The following KLHL5 variants were observed in gnomAD, a reference collection of about 807,000 sequenced individuals.
KLHL5 encodes the protein kelch-like protein 5.
A neutral mutation model predicts 77.7 loss-of-function variants in KLHL5; 48 were observed. That is an observed-to-expected ratio of 0.62 (90% confidence interval 0.49 to 0.79). The LOEUF is 0.79. Among genes scored for constraint, KLHL5 ranks in the 30% least tolerant of loss-of-function variants. KLHL5 has a pLI of 0.00. For missense variants in KLHL5, 723 were observed against 859.7 expected, an observed-to-expected ratio of 0.84 and a Z score of 1.99; for synonymous variants, 260 against 297.0, an observed-to-expected ratio of 0.88 and a Z score of 1.28.
chr4:39,062,867 G>A lies in KLHL5; in HGVS notation c.215G>A (p.Ser72Asn), dbSNP rs369611804. Residue 72 changes from serine (S) to asparagine (N), a missense_variant, in exon 1 of 11, where the codon AGC (serine) becomes AAC (asparagine). This residue lies in a region of KLHL5 where 221 missense variants were observed against 222.1 expected (regional missense o/e 1.00). Coordinates refer to ENST00000504108, the MANE Select transcript of KLHL5 (RefSeq NM_015990.5). ...GCTTCAATTGGTTACCGAAGGTCCA[G>A]CCAACTGGATTTTCAGAATTCACCT... ...PLASIGYRRS[S>N]QLDFQNSPSW... The A allele has an allele frequency of 4.3e-6, 7 of 1,614,022 alleles. No homozygotes were observed. Among genetic ancestry groups the A allele is most frequent in the Non-Finnish European group, 5.9e-6 (7 of 1,180,026 alleles).
chr4:39,106,086 C>T (rs1722015754), intron 7 of KLHL5, among the ~76,000 whole-genome samples: 1 of 152,104 alleles, frequency 6.6e-6, no homozygotes. Context: ...AGATCAGAGT[C>T]CTTATCTGCA....
chr4:39,121,123 T>C lies in KLHL5; in HGVS notation c.*57T>C. The C allele has an allele frequency of 7.8e-7, 1 of 1,289,416 alleles. No homozygotes were observed. The highest frequency in any genetic ancestry group is 1.1e-6 in the Non-Finnish European group (1 of 887,170). The allele number at this position is 1,289,416 out of a possible 1,614,324, so 79.9% of individuals were successfully genotyped here. ...GTCTTCCTTTATTAATTTAGTATAATTATTCTATCAATGGATACATTTTTA... is the reference window on the plus strand; with the variant it reads ...GTCTTCCTTTATTAATTTAGTATAACTATTCTATCAATGGATACATTTTTA... On this transcript the variant is annotated 3_prime_UTR_variant, in exon 11 of 11. Transcript: ENST00000504108.
At chr4:39,044,875 C>T (rs542139708), upstream of KLHL5, 69 of 910,500 alleles carry the variant, frequency 7.6e-5, no homozygotes, top group African/African-American at 1.1e-3. Flanking sequence ...CGGGGCCACC[C>T]GGGGACTCTG....
chr4:39,047,445 T>A (rs1716277275), intron 1 of KLHL5, among the ~76,000 whole-genome samples: 2 of 152,182 alleles, frequency 1.3e-5, no homozygotes, highest in African/African-American at 4.8e-5. Flanking sequence ...GAGTTATCTA[T>A]TCTTCAGGCA....
At chr4:39,058,650 A>G (rs1717166849), upstream of KLHL5, among the ~76,000 whole-genome samples, 1 of 152,114 alleles carries the variant, frequency 6.6e-6, no homozygotes. Context: ...ACCAAGGTAA[A>G]TGTGTCTGTA....
the KLHL5 span, among the ~76,000 whole-genome samples, chr4:39,134,411 A>G: frequency 6.6e-6 from 1 of 152,214 alleles, no homozygotes. Context: ...AGTAGATATG[A>G]CTATTCCCAG....
At chr4:39,107,374 T>C (rs1722120667) in intron 7 of KLHL5, among the ~76,000 whole-genome samples, 195 bp from the exon 8 acceptor site, 2 of 152,010 alleles carry the variant, frequency 1.3e-5, no homozygotes, top group South Asian at 4.1e-4. Flanking sequence ...AAACCAGAAC[T>C]ACCGTGCTAT....
the KLHL5 span, among the ~76,000 whole-genome samples, chr4:39,141,663 T>TAATTGTGCCCAGCA: frequency 1.8e-4 from 28 of 151,948 alleles, no homozygotes; most frequent in Non-Finnish European, 2.5e-4. Context: ...CTCACACTTA[T>TAATTGTGCCCAGCA]AATTGTGCCC....
At chr4:39,066,693 TA>T (rs1394187995) in intron 1 of KLHL5, among the ~76,000 whole-genome samples, 1 of 152,200 alleles carries the variant, frequency 6.6e-6, no homozygotes, top group Non-Finnish European at 1.5e-5. Context: ...GCATCTGTGT[TA>T]AAAAATAATC....
intron 6 of KLHL5, among the ~76,000 whole-genome samples, chr4:39,099,594 G>A (rs979134523): frequency 6.6e-6 from 1 of 152,060 alleles, no homozygotes; most frequent in African/African-American, 2.4e-5. Flanking sequence ...TATTGCTTTA[G>A]CTGATGCTCT....
At chr4:39,049,847 A>G (rs2566109) in intron 1 of KLHL5, among the ~76,000 whole-genome samples, 110,772 of 151,798 alleles carry the variant, frequency 0.73, 40,584 homozygotes, top group East Asian at 0.82. Context: ...TCAGGTGGGC[A>G]GATCACCTGA....
Position 39,063,020 on chromosome 4 carries a change from A to T in KLHL5, c.368A>T (p.Asp123Val). 1 of 1,612,014 alleles carries T rather than the reference A, an allele frequency of 6.2e-7. No homozygotes were observed. The highest frequency in any genetic ancestry group is 8.5e-7 in the Non-Finnish European group (1 of 1,178,754). ...ACTAGTGAAGAAGAAAATGAATCTG[A>T]TTCCAGTTCATGCAGGTTGATTATT... Reference protein sequence around the residue: ...DGTSEEENESDSSSCRTSNSS... With the variant: ...DGTSEEENESVSSSCRTSNSS... The change falls in exon 1 of 11, where the codon GAT becomes GTT. Residue 123 changes from aspartate (D) to valine (V), a missense_variant. Physicochemically the swap from Asp to Val is radical, Grantham distance 152. Coordinates refer to ENST00000504108, the MANE Select transcript of KLHL5 (RefSeq NM_015990.5).
chr4:39,137,411 A>C, the KLHL5 span, among the ~76,000 whole-genome samples: 4 of 151,942 alleles, frequency 2.6e-5, no homozygotes, highest in African/African-American at 9.7e-5. Flanking sequence ...ACTTGAGCCC[A>C]GGAGTTTGAG....
the KLHL5 span, among the ~76,000 whole-genome samples, chr4:39,132,773 A>T: frequency 6.6e-6 from 1 of 152,200 alleles, no homozygotes; most frequent in African/African-American, 2.4e-5. Context: ...CAATTTTAGT[A>T]CATTTCTCAT....
chr4:39,045,683 C>A (rs1161722489), intron 1 of KLHL5, among the ~76,000 whole-genome samples: 1 of 151,904 alleles, frequency 6.6e-6, no homozygotes, highest in Non-Finnish European at 1.5e-5. Context: ...CAGAAGCTGG[C>A]GGTAAAAGTT....
chr4:39,062,898 G>A lies in KLHL5; in HGVS notation c.246G>A (p.Trp82Ter), dbSNP rs1483433217. 2 of 1,613,994 alleles carry A rather than the reference G, an allele frequency of 1.2e-6. No homozygotes were observed. Among genetic ancestry groups the A allele is most frequent in the African/African-American group, 2.7e-5 (2 of 74,900 alleles). Residue 82 changes from tryptophan to a stop codon, truncating the protein, a stop_gained, in exon 1 of 11, where the codon TGG (tryptophan) becomes TGA (stop). Coordinates refer to ENST00000504108, the MANE Select transcript of KLHL5 (RefSeq NM_015990.5). LOFTEE classifies it high-confidence loss of function. ...TGGATTTTCAGAATTCACCTTCTTG[G>A]CCAATGGCATCCACCTCTGAAGTCC... The part of the protein sequence containing the change: ...SQLDFQNSPS[W>*]PMASTSEVPA...
At chr4:39,138,226 A>G in the KLHL5 span, among the ~76,000 whole-genome samples, 7 of 152,260 alleles carry the variant, frequency 4.6e-5, no homozygotes, top group South Asian at 1.5e-3. Flanking sequence ...CAGAAATACC[A>G]TTTGACCCAG....
At chr4:39,044,968 G>C (rs1395133363), upstream of KLHL5, 4 of 832,562 alleles carry the variant, frequency 4.8e-6, no homozygotes, top group East Asian at 2.7e-4. Flanking sequence ...TGCCCGGACA[G>C]GGTCTAGGGG....
intron 7 of KLHL5, among the ~76,000 whole-genome samples, chr4:39,104,981 TCTCGATCTCTTGAC>T (rs1332778271): frequency 2.0e-5 from 3 of 152,132 alleles, no homozygotes; most frequent in Non-Finnish European, 2.9e-5. Context: ...TCCAGGATGG[TCTCGATCTCTTGAC>T]CTCGTAATCT....
Sources: gnomAD v4.1 joint callset for allele counts (sites outside exome capture counted in the v4.1 genomes callset) on GRCh38, gnomAD v4.1.1 for gene constraint, gnomAD v4.1.1 regional missense constraint, MANE v1.5 for transcripts, NCBI Gene and HGNC (gene_info 2026-07-23, HGNC 2026-07-21) for gene names.